Variants in BCORL1 observed in about 807,000 individuals in gnomAD.
BCORL1 encodes the protein BCL6 corepressor like 1, also known as BCL-6 corepressor-like protein 1.
BCORL1 carries 7 observed loss-of-function variants against 87.6 expected under a neutral mutation model. The ratio of observed to expected loss-of-function variants is 0.08; its 90% CI spans 0.05 to 0.15. BCORL1 has a LOEUF of 0.15. Among genes scored for constraint, BCORL1 ranks in the 10% least tolerant of loss-of-function variants. BCORL1 has a pLI of 1.00. For synonymous variants in BCORL1, 591 were observed against 634.4 expected (o/e 0.93, Z 1.03); for missense variants, 1,215 against 1,499.7 (o/e 0.81, Z 3.13).
At position 130,021,035 on chromosome X, in the gene BCORL1, G is replaced by C. The variant is rs375550141; in HGVS notation, c.3492G>C (p.Arg1164Ser). The change falls in exon 5 of 14, where the codon AGG becomes AGC. Residue 1164 changes from arginine to serine, a missense_variant. Transcript: ENST00000540052. ...DPQESTKKSP[R>S]GASDSGKEHN... ...AGGAATCCACCAAGAAAAGCCCCAG[G>C]GGGGCTTCAGATTCAGGAAAAGAGC... is the stretch of plus-strand genomic sequence containing the variant. The C allele has an allele frequency of 5.9e-6, 7 of 1,186,992 alleles. No homozygotes were observed. In the African/African-American group the frequency reaches 1.1e-4, roughly 18 times the overall value.
At position 130,032,732 on chromosome X, in the gene BCORL1, TCTA is replaced by T. The variant is rs1362026922; in HGVS notation, c.4306-1722_4306-1720del. Reference sequence around the variant, plus strand: ...CATCACCTCCAGGTCGAGAATCTCTTCTATTTATTTATTTATTTATTTATTTAT... The same window carrying T: ...CATCACCTCCAGGTCGAGAATCTCTTTTTATTTATTTATTTATTTATTTAT... On this transcript the variant is annotated intron_variant, in intron 8 of 13. Coordinates refer to ENST00000540052, the MANE Select transcript of BCORL1 (RefSeq NM_001379451.1). Among the ~76,000 whole-genome samples, 18 of 80,926 alleles carry T rather than the reference TCTA, an allele frequency of 2.2e-4. 1 individual carries two copies. The highest frequency in any genetic ancestry group is 1.3e-3 in the African/African-American group (17 of 13,018). 70.3% of individuals were successfully genotyped at this position (80,926 alleles called of 115,157 possible).
At chrX:130,033,372 C>T (rs746793891) in intron 8 of BCORL1, among the ~76,000 whole-genome samples, 10 of 111,975 alleles carry the variant, frequency 8.9e-5, no homozygotes, top group South Asian at 7.3e-4. Flanking sequence ...CGTGAGCCAC[C>T]GCTCCCGGCC....
intron 4 of BCORL1, among the ~76,000 whole-genome samples, chrX:130,017,817 G>A (rs1406962785): frequency 1.8e-5 from 2 of 110,197 alleles, no homozygotes; most frequent in African/African-American, 6.6e-5. Flanking sequence ...ATTATTTTTT[G>A]TAGAGACGAG....
chrX:130,003,919 A>G (rs1417856342), intron 1 of BCORL1, among the ~76,000 whole-genome samples: 3 of 111,773 alleles, frequency 2.7e-5, no homozygotes, highest in African/African-American at 9.8e-5. Flanking sequence ...AAATGGATAC[A>G]TGAAACAAAT....
At position 130,015,346 on chromosome X, in the gene BCORL1, G is replaced by A. The variant is rs199970788; in HGVS notation, c.2574G>A (p.Ala858=). 15 of 1,210,389 alleles carry A rather than the reference G, an allele frequency of 1.2e-5. No individual in the cohort carries two copies. Among genetic ancestry groups the A allele is most frequent in the East Asian group, 8.9e-5 (3 of 33,778 alleles). ...GGCAGCTGACCCCCAGTCAGGGGGC[G>A]CCCATCAGGCCCACCAGCGTTGTTT... ...SAGQLTPSQG[A]PIRPTSVVSE... The change falls in exon 4 of 14, where the codon GCG becomes GCA. Residue 858 remains alanine, a synonymous_variant. Transcript: ENST00000540052.
At chrX:129,990,874 A>G (rs1927082985) in intron 1 of BCORL1, among the ~76,000 whole-genome samples, 1 of 111,473 alleles carries the variant, frequency 9.0e-6, no homozygotes. Flanking sequence ...GACATTTTTA[A>G]AAACCATTGC....
chrX:130,028,606 T>C, intron 7 of BCORL1, 29 bp from the exon 8 acceptor site: 2 of 1,139,130 alleles, frequency 1.8e-6, no homozygotes, highest in Non-Finnish European at 2.4e-6. Context: ...TTCTCTGACA[T>C]CCGTTCTTTT....
chrX:130,005,491 C>T (rs891291886), intron 2 of BCORL1, among the ~76,000 whole-genome samples, 174 bp downstream of exon 2: 1 of 111,976 alleles, frequency 8.9e-6, no homozygotes. Flanking sequence ...GTGGCCTGAT[C>T]TGCCATGCTA....
intron 6 of BCORL1, among the ~76,000 whole-genome samples, chrX:130,023,950 A>G (rs1930031514): frequency 1.8e-5 from 2 of 112,527 alleles, no homozygotes; most frequent in South Asian, 3.6e-4. Context: ...GTCAAGGGCT[A>G]CTTACTCTAT....
chrX:130,026,370 T>G (rs1335562702), intron 7 of BCORL1, among the ~76,000 whole-genome samples: 1 of 112,285 alleles, frequency 8.9e-6, no homozygotes, highest in Non-Finnish European at 1.9e-5. Flanking sequence ...TAAGTGGAGG[T>G]GTATATGATA....
At chrX:130,001,781 GAGGGC>G (rs1020593082) in intron 1 of BCORL1, among the ~76,000 whole-genome samples, 1 of 110,513 alleles carries the variant, frequency 9.0e-6, no homozygotes, top group African/African-American at 3.3e-5. Flanking sequence ...GCCAGGTCAT[GAGGGC>G]CCTGAAGGCA....
At position 130,056,549 on chromosome X, in the gene BCORL1, CCT is replaced by C. The variant is rs958449479; in HGVS notation, c.*414_*415del. 5 of 135,845 alleles carry C rather than the reference CCT, an allele frequency of 3.7e-5. No homozygotes were observed. Among genetic ancestry groups the C allele is most frequent in the African/African-American group, 1.6e-4 (5 of 31,830 alleles). 11.2% of individuals were successfully genotyped at this position (135,845 alleles called of 1,213,427 possible). A position where few individuals can be genotyped will look rare whatever the true frequency, so the allele number is the denominator to read the frequency against. On this transcript the variant is annotated 3_prime_UTR_variant, in exon 14 of 14. Coordinates refer to ENST00000540052, the MANE Select transcript of BCORL1 (RefSeq NM_001379451.1). ...TCTGAGCGCCCCCCAACTCCATTCC[CCT>C]GTGTTCTTCTGTCTTCTGTAGTATT...
rs1341373745 is a variant in BCORL1, at chrX:130,056,939, T to G, written c.*803T>G. ...TGACAGGGAGGGGAGGATTGTGAGGTGAGGGGTTAATAAGTTACTCTAATA... is the reference window on the plus strand; with the variant it reads ...TGACAGGGAGGGGAGGATTGTGAGGGGAGGGGTTAATAAGTTACTCTAATA... On this transcript the variant is annotated 3_prime_UTR_variant, in exon 14 of 14. Coordinates refer to ENST00000540052, the MANE Select transcript of BCORL1 (RefSeq NM_001379451.1). 7 of 98,265 alleles carry G rather than the reference T, an allele frequency of 7.1e-5. No individual in the cohort carries two copies. In the Admixed American group the frequency reaches 8.2e-4, roughly 12 times the overall value. 8.1% of individuals were successfully genotyped at this position (98,265 alleles called of 1,213,427 possible).
rs1932094061 is a variant in BCORL1, at chrX:130,051,892, C to T, written c.4951C>T (p.His1651Tyr). The change falls in exon 13 of 14, where the codon CAT becomes TAT. Residue 1651 changes from histidine to tyrosine, a missense_variant. His to Tyr is a moderately conservative substitution (Grantham distance 83). Around this residue, in one of 5 missense-constraint regions of BCORL1, gnomAD observed 129 missense variants for 157.5 expected, o/e 0.82. Coordinates refer to ENST00000540052, the MANE Select transcript of BCORL1 (RefSeq NM_001379451.1). ...EKDGFACDLL[H>Y]NPPGSSDQEG... is the part of the protein sequence containing the mutation. Reference sequence around the variant, plus strand: ...AGACGGGTTTGCCTGTGACCTCCTACATAATCCTCCTGGGAGCTCAGATCA... The same window carrying T: ...AGACGGGTTTGCCTGTGACCTCCTATATAATCCTCCTGGGAGCTCAGATCA... 1 of 1,205,562 alleles carries T rather than the reference C, an allele frequency of 8.3e-7. No homozygotes were observed. Among genetic ancestry groups the T allele is most frequent in the Admixed American group, 2.2e-5 (1 of 45,179 alleles).
At chrX:130,008,253 C>A (rs2124417494) in intron 2 of BCORL1, among the ~76,000 whole-genome samples, 1 of 106,687 alleles carries the variant, frequency 9.4e-6, no homozygotes, top group East Asian at 2.9e-4. Flanking sequence ...GTGCCTAGTG[C>A]TTAAGAGGAC....
chrX:130,021,249 T>A, intron 5 of BCORL1, 99 bp downstream of exon 5: 1 of 1,095,040 alleles, frequency 9.1e-7, no homozygotes, highest in Non-Finnish European at 1.2e-6. Context: ...TCCTTCACTC[T>A]GGAAAAGTGA....
rs1932467113 is a variant in BCORL1 at position 130,057,613 on chromosome X, A to G, written c.*1477A>G. 9.0e-6 allele frequency: 1 copy of G among 111,402 alleles called. No individual in the cohort carries two copies. Among genetic ancestry groups the G allele is most frequent in the Admixed American group, 9.6e-5 (1 of 10,423 alleles). The allele number at this position is 111,402 out of a possible 1,213,427, so 9.2% of individuals were successfully genotyped here. On this transcript the variant is annotated 3_prime_UTR_variant, in exon 14 of 14. Transcript: ENST00000540052. ...GTACAGGTGCTAAAACAACAACAAC[A>G]AAAAAGAAAATGGAAAAAAAAAAGA... is the stretch of plus-strand genomic sequence containing the variant.
At chrX:129,989,083 G>T (rs1273877289) in intron 1 of BCORL1, among the ~76,000 whole-genome samples, 2 of 111,317 alleles carry the variant, frequency 1.8e-5, no homozygotes, top group African/African-American at 6.5e-5. Flanking sequence ...CCTCAGGTTA[G>T]AGTGCTTGCT....
At chrX:130,026,951 C>G (rs1280651400) in intron 7 of BCORL1, among the ~76,000 whole-genome samples, 1 of 113,668 alleles carries the variant, frequency 8.8e-6, no homozygotes, top group African/African-American at 3.2e-5. Flanking sequence ...TACCCTGCTT[C>G]TGTCTGAGCC....
Sources: allele counts gnomAD v4.1 joint callset (sites outside exome capture counted in the v4.1 genomes callset), GRCh38; gene constraint gnomAD v4.1.1; regional missense constraint gnomAD v4.1.1; transcripts MANE v1.5; gene names NCBI Gene and HGNC (gene_info 2026-07-23, HGNC 2026-07-21).